ERBB4: variants seen among roughly 807,000 people sequenced by gnomAD.
The protein encoded by ERBB4 is receptor tyrosine-protein kinase erbB-4.
Under a neutral mutation model 158.0 loss-of-function variants are expected in ERBB4, and 42 were observed. The observed-to-expected ratio is 0.27, with a 90% CI of 0.21 to 0.34. The LOEUF (loss-of-function observed/expected upper bound fraction) is 0.34. Among genes scored for constraint, ERBB4 ranks in the 10% least tolerant of loss-of-function variants. The pLI is 1.00. For synonymous variants in ERBB4, 583 were observed against 558.7 expected, an observed-to-expected ratio of 1.04 and a Z score of -0.61; for missense variants, 1,333 against 1,624.1, an observed-to-expected ratio of 0.82 and a Z score of 3.08.
intron 25 of ERBB4, among the ~76,000 whole-genome samples, chr2:211,391,231 A>G (rs2062792287): frequency 6.6e-6 from 1 of 152,130 alleles, no homozygotes; most frequent in Non-Finnish European, 1.5e-5. Context: ...TGAACTTTTA[A>G]TATTGGAAAG....
chr2:211,664,825 G>A (rs796817693), intron 15 of ERBB4, among the ~76,000 whole-genome samples: 5 of 151,916 alleles, frequency 3.3e-5, no homozygotes, highest in African/African-American at 1.2e-4. Flanking sequence ...ATATCACTAG[G>A]TTCCCTTTTT....
rs551735969 is a variant in ERBB4, at chr2:211,594,453, A to C, written c.2301+24724T>G. Among the ~76,000 whole-genome samples, 864 of 151,622 alleles carry C rather than the reference A, an allele frequency of 5.7e-3. 8 individuals carry two copies. Among genetic ancestry groups the C allele is most frequent in the African/African-American group, 0.02 (827 of 41,024 alleles). ...GACTCCATTTCTACAAAAATAACAA[A>C]TAAAAAAAAAAAACTAAGCAATAAT... On this transcript the variant is annotated intron_variant, in intron 19 of 27. Coordinates refer to ENST00000342788, the MANE Select transcript of ERBB4 (RefSeq NM_005235.3).
chr2:212,275,481 G>A (rs2085498076), intron 1 of ERBB4, among the ~76,000 whole-genome samples: 1 of 151,842 alleles, frequency 6.6e-6, no homozygotes, highest in Non-Finnish European at 1.5e-5. Flanking sequence ...GGTGTGAGAT[G>A]GTATCTCATT....
At chr2:211,866,462 A>C (rs2078208118) in intron 3 of ERBB4, among the ~76,000 whole-genome samples, 1 of 152,212 alleles carries the variant, frequency 6.6e-6, no homozygotes, top group East Asian at 1.9e-4. Flanking sequence ...AAGCTCTACA[A>C]TACTATATTA....
At chr2:211,459,199 T>G (rs1207042442) in intron 20 of ERBB4, among the ~76,000 whole-genome samples, 1 of 152,188 alleles carries the variant, frequency 6.6e-6, no homozygotes, top group African/African-American at 2.4e-5. Context: ...CAGAAAATGT[T>G]GAAATGAGAT....
intron 1 of ERBB4, among the ~76,000 whole-genome samples, chr2:212,214,868 G>A (rs2083050507): frequency 1.3e-5 from 2 of 151,442 alleles, no homozygotes; most frequent in African/African-American, 4.8e-5. Flanking sequence ...TTTATTAATG[G>A]CAGAAGTGTA....
intron 1 of ERBB4, among the ~76,000 whole-genome samples, chr2:212,315,150 T>A (rs2087217272): frequency 6.6e-6 from 1 of 151,392 alleles, no homozygotes; most frequent in South Asian, 2.1e-4. Flanking sequence ...TTTTTAATAT[T>A]TGATTCTACT....
At chr2:212,246,053 C>T (rs2084296276) in intron 1 of ERBB4, among the ~76,000 whole-genome samples, 1 of 152,070 alleles carries the variant, frequency 6.6e-6, no homozygotes, top group Admixed American at 6.6e-5. Context: ...AATAGATGAT[C>T]CTCTATGGGA....
chr2:212,233,953 CTT>C (rs982811690), intron 1 of ERBB4, among the ~76,000 whole-genome samples: 1 of 141,950 alleles, frequency 7.0e-6, no homozygotes, highest in African/African-American at 2.6e-5. Flanking sequence ...GTATATGTCT[CTT>C]TGCATTATTT....
intron 1 of ERBB4, among the ~76,000 whole-genome samples, chr2:212,136,398 GA>G (rs2080272738): frequency 6.6e-6 from 1 of 152,154 alleles, no homozygotes; most frequent in African/African-American, 2.4e-5. Flanking sequence ...CTAGAAACGG[GA>G]AAAAATGAGA....
At chr2:212,381,220 C>G (rs2106411697) in intron 1 of ERBB4, among the ~76,000 whole-genome samples, 1 of 151,260 alleles carries the variant, frequency 6.6e-6, no homozygotes, top group Middle Eastern at 3.4e-3. Context: ...CAAAATCTTA[C>G]AAAAATTAGA....
At chr2:211,975,963 T>G (rs1414727625) in intron 2 of ERBB4, among the ~76,000 whole-genome samples, 2 of 152,186 alleles carry the variant, frequency 1.3e-5, no homozygotes, top group East Asian at 3.9e-4. Flanking sequence ...TAACCAGGGA[T>G]GTTTAACAAT....
chr2:212,355,834 G>GTA (rs1194716277), intron 1 of ERBB4, among the ~76,000 whole-genome samples: 1 of 151,704 alleles, frequency 6.6e-6, no homozygotes, highest in East Asian at 1.9e-4. Context: ...ATATATATGT[G>GTA]TATATATATA....
At chr2:212,179,855 C>T (rs1019772016) in intron 1 of ERBB4, among the ~76,000 whole-genome samples, 17 of 151,680 alleles carry the variant, frequency 1.1e-4, no homozygotes, top group Middle Eastern at 3.4e-3. Flanking sequence ...AATCTTCATA[C>T]ATTTCTCACA....
chr2:212,342,281 TC>T (rs944884321), intron 1 of ERBB4, among the ~76,000 whole-genome samples: 1 of 152,138 alleles, frequency 6.6e-6, no homozygotes, highest in African/African-American at 2.4e-5. Context: ...GCTCCCATAA[TC>T]CCCACGTGTC....
At chr2:212,423,682 A>G (rs181608099) in intron 1 of ERBB4, among the ~76,000 whole-genome samples, 1 of 152,314 alleles carries the variant, frequency 6.6e-6, no homozygotes, top group East Asian at 1.9e-4. Context: ...TACTGCATGC[A>G]TATCTATTTC....
chr2:211,832,722 T>C (rs72931611), intron 3 of ERBB4, among the ~76,000 whole-genome samples: 1,726 of 151,118 alleles, frequency 0.011, 15 homozygotes, highest in Non-Finnish European at 0.02. Context: ...GTAAAGTAAA[T>C]ATGTGAACCA....
intron 1 of ERBB4, among the ~76,000 whole-genome samples, chr2:212,240,672 A>G (rs1163221956): frequency 6.6e-6 from 1 of 150,416 alleles, no homozygotes; most frequent in Non-Finnish European, 1.5e-5. Flanking sequence ...AAAAAACAGA[A>G]AAAAAAGAAA....
intron 1 of ERBB4, among the ~76,000 whole-genome samples, chr2:212,335,553 C>T (rs1483387742): frequency 7.2e-5 from 11 of 151,744 alleles, no homozygotes; most frequent in South Asian, 2.1e-4. Context: ...GATGCATTTT[C>T]GTTTGATTCA....
Sources: allele counts gnomAD v4.1 joint callset (sites outside exome capture counted in the v4.1 genomes callset), GRCh38; gene constraint gnomAD v4.1.1; transcripts MANE v1.5; gene names NCBI Gene and HGNC (gene_info 2026-07-23, HGNC 2026-07-21).